MED13: variants seen among roughly 807,000 people sequenced by gnomAD.
MED13 encodes the protein mediator complex subunit 13.
In MED13, 23 loss-of-function variants were observed where a neutral mutation model predicts 225.2. The ratio of observed to expected loss-of-function variants is 0.10; its 90% CI spans 0.07 to 0.14. The LOEUF is 0.14. Ranked by LOEUF, MED13 falls within the 10% of genes least tolerant of loss-of-function variation. The probability of loss-of-function intolerance (pLI) is 1.00; values close to 1 mark genes in which losing one functional copy is unlikely to be tolerated. For synonymous variants in MED13, 942 were observed against 889.2 expected (o/e 1.06, Z -1.06); for missense variants, 2,197 against 2,594.5 (o/e 0.85, Z 3.33).
At chr17:62,041,120 T>A (rs986130286) in intron 3 of MED13, among the ~76,000 whole-genome samples, 1 of 152,044 alleles carries the variant, frequency 6.6e-6, no homozygotes, top group Non-Finnish European at 1.5e-5. Context: ...AGCCAAAAGG[T>A]GAAAACAACC....
intron 20 of MED13, 40 bp from the exon 21 acceptor site, chr17:61,963,011 T>C: frequency 6.3e-7 from 1 of 1,576,908 alleles, no homozygotes; most frequent in Non-Finnish European, 8.7e-7. Context: ...AGTTGTACTG[T>C]ATATGCTTGG....
chr17:61,964,894 C>T (rs1480535395), intron 20 of MED13, 112 bp downstream of exon 20: 2 of 992,074 alleles, frequency 2.0e-6, no homozygotes, highest in Non-Finnish European at 2.9e-6. Flanking sequence ...GCAGATCCCA[C>T]CACTGCAGTA....
chr17:61,987,430 T>A (rs2080257669), intron 11 of MED13, among the ~76,000 whole-genome samples: 1 of 151,888 alleles, frequency 6.6e-6, no homozygotes, highest in South Asian at 2.1e-4. Flanking sequence ...CGAGACTCCA[T>A]CTTAAAAACA....
In MED13 at chr17:61,982,709, G is replaced by A. The variant is rs1603396768; in HGVS notation, c.3294C>T (p.Cys1098=). ...CNFDSCCICV[C]NMNIKGADVG... is the part of the protein sequence containing the mutation. ...CATCGGCACCCTTGATGTTCATGTTGCAAACACAGATGCAACAACTATCAA... is the reference window on the plus strand; with the variant it reads ...CATCGGCACCCTTGATGTTCATGTTACAAACACAGATGCAACAACTATCAA... The change falls in exon 16 of 30, where the codon TGC becomes TGT. Residue 1098 remains cysteine (C), a synonymous_variant. Coordinates refer to ENST00000397786, the MANE Select transcript of MED13 (RefSeq NM_005121.3). 1.2e-6 allele frequency: 2 copies of A among 1,614,006 alleles called. No homozygotes were observed. The highest frequency in any genetic ancestry group is 2.7e-5 in the African/African-American group (2 of 74,890).
At chr17:62,055,972 C>A (rs2080993546) in intron 2 of MED13, among the ~76,000 whole-genome samples, 1 of 152,176 alleles carries the variant, frequency 6.6e-6, no homozygotes, top group Non-Finnish European at 1.5e-5. Flanking sequence ...AGGAGCTATG[C>A]ATAAAACAAA....
chr17:61,958,901 A>G lies in MED13; in HGVS notation c.5480+1966T>C, dbSNP rs186409925. On this transcript the variant is annotated intron_variant, in intron 23 of 29. Transcript: ENST00000397786. ...TAAAATTATCCTCTAGACTTTACAG[A>G]TAAGTAAGCTGTATCTCAGCTGCAT... Among the ~76,000 whole-genome samples, 303 of 152,330 alleles carry G rather than the reference A, an allele frequency of 2.0e-3. 3 individuals are homozygous for G. The highest frequency in any genetic ancestry group is 0.014 in the Middle Eastern group (4 of 294).
intron 3 of MED13, among the ~76,000 whole-genome samples, chr17:62,050,486 AGGCTGTTGT>A (rs750787361): frequency 1.3e-5 from 2 of 151,960 alleles, no homozygotes; most frequent in Non-Finnish European, 2.9e-5. Context: ...TTTCAATGGT[AGGCTGTTGT>A]GACCAAAAAA....
intron 17 of MED13, 55 bp from the exon 18 acceptor site, chr17:61,968,313 TTTTATTTA>T (rs56707514): frequency 3.4e-5 from 40 of 1,165,300 alleles, no homozygotes; most frequent in Non-Finnish European, 4.2e-5. Flanking sequence ...CATGTCTCCT[TTTTATTTA>T]TTTATTTATT....
rs764352447 is a variant in MED13 at position 62,010,847 on chromosome 17, C to A, written c.1670G>T (p.Ser557Ile). Reference sequence around the variant, plus strand: ...TGTTGGCATTTGATAAAAATGTTGACTCTGAGGAGTTGAAGGTGTTTTAGT... The same window carrying A: ...TGTTGGCATTTGATAAAAATGTTGAATCTGAGGAGTTGAAGGTGTTTTAGT... The part of the protein sequence containing the change: ...GVTKTPSTPQ[S>I]QHFYQMPTPD... The change falls in exon 9 of 30, where the codon AGT (serine) becomes ATT (isoleucine). Residue 557 changes from serine (S) to isoleucine (I), a missense_variant. Around this residue, in one of 12 missense-constraint regions of MED13, gnomAD observed 884 missense variants for 918.5 expected, o/e 0.96. Coordinates refer to ENST00000397786, the MANE Select transcript of MED13 (RefSeq NM_005121.3). The A allele has an allele frequency of 2.5e-6, 4 of 1,614,210 alleles. No individual in the cohort carries two copies. The highest frequency in any genetic ancestry group is 3.3e-4 in the Middle Eastern group (2 of 6,062).
At chr17:61,964,844 G>C (rs1490414222) in intron 20 of MED13, among the ~76,000 whole-genome samples, 162 bp downstream of exon 20, 1 of 152,086 alleles carries the variant, frequency 6.6e-6, no homozygotes, top group South Asian at 2.1e-4. Context: ...GCTGAGGGAG[G>C]AGAATCACTT....
In MED13 at chr17:61,946,904, A is replaced by G. The variant is rs753278199; in HGVS notation, c.6392+13T>C. On this transcript the variant is annotated intron_variant, in intron 29 of 29. Transcript: ENST00000397786. ...GTTGCAGTGACAAACTGTTAATGGTAAAAGAGTTGTACCTGAGGACATCTG... is the reference window on the plus strand; with the variant it reads ...GTTGCAGTGACAAACTGTTAATGGTGAAAGAGTTGTACCTGAGGACATCTG... 10 of 1,586,076 alleles carry G rather than the reference A, an allele frequency of 6.3e-6. No individual in the cohort carries two copies. The highest frequency in any genetic ancestry group is 1.1e-5 in the South Asian group (1 of 90,210).
intron 16 of MED13, among the ~76,000 whole-genome samples, chr17:61,981,462 G>A (rs1198594414): frequency 2.6e-5 from 4 of 152,144 alleles, no homozygotes; most frequent in Non-Finnish European, 4.4e-5. Flanking sequence ...CTGGTGAATG[G>A]CTACCTCCTA....
At chr17:62,002,877 CATTAT>C (rs1306265368) in intron 9 of MED13, among the ~76,000 whole-genome samples, 1 of 152,164 alleles carries the variant, frequency 6.6e-6, no homozygotes, top group Admixed American at 6.5e-5. Context: ...ACAAGTTATT[CATTAT>C]ATTAAAGTAC....
intron 14 of MED13, 65 bp from the exon 15 acceptor site, chr17:61,984,432 A>C: frequency 1.6e-6 from 2 of 1,228,302 alleles, no homozygotes; most frequent in Non-Finnish European, 2.2e-6. Flanking sequence ...AAATAAACAA[A>C]CAGGCTCTGG....
chr17:62,018,701 C>A (rs1002429721), intron 8 of MED13, among the ~76,000 whole-genome samples: 3 of 138,974 alleles, frequency 2.2e-5, no homozygotes, highest in Admixed American at 7.3e-5. Flanking sequence ...GCAACAGAGG[C>A]AAAGACCCTA....
intron 11 of MED13, 144 bp from the exon 12 acceptor site, chr17:61,987,272 T>A: frequency 2.5e-6 from 1 of 395,908 alleles, no homozygotes; most frequent in Non-Finnish European, 4.6e-6. Context: ...CCGTCTCTAC[T>A]AAAACTACAA....
chr17:61,950,112 G>C (rs2079884263), intron 28 of MED13, among the ~76,000 whole-genome samples: 1 of 152,124 alleles, frequency 6.6e-6, no homozygotes, highest in South Asian at 2.1e-4. Flanking sequence ...ACCAATTTAT[G>C]ACTTTAAACA....
intron 9 of MED13, among the ~76,000 whole-genome samples, chr17:62,000,921 C>A (rs2080389321): frequency 6.6e-6 from 1 of 152,032 alleles, no homozygotes; most frequent in South Asian, 2.1e-4. Flanking sequence ...TGCCACCACG[C>A]CCAGCTAATT....
intron 16 of MED13, among the ~76,000 whole-genome samples, chr17:61,980,956 C>T (rs141406779): frequency 6.6e-6 from 1 of 151,924 alleles, no homozygotes; most frequent in African/African-American, 2.4e-5. Flanking sequence ...AAACTCCTGG[C>T]CTCATGATCT....
Sources: gnomAD v4.1 joint callset for allele counts (sites outside exome capture counted in the v4.1 genomes callset) on GRCh38, gnomAD v4.1.1 for gene constraint, gnomAD v4.1.1 regional missense constraint, MANE v1.5 for transcripts, NCBI Gene and HGNC (gene_info 2026-07-23, HGNC 2026-07-21) for gene names.